Variants in AGBL4 observed in about 807,000 individuals in gnomAD.
AGBL4 encodes cytosolic carboxypeptidase 6.
Under a neutral mutation model 66.4 loss-of-function variants are expected in AGBL4, and 58 were observed. The observed-to-expected ratio is 0.87, with a 90% CI of 0.71 to 1.09. The LOEUF is 1.09. Ranked by LOEUF, AGBL4 falls within the 50% of genes least tolerant of loss-of-function variation. The probability of loss-of-function intolerance (pLI) is 0.00; values close to 1 mark genes in which losing one functional copy is unlikely to be tolerated. For synonymous variants in AGBL4, 234 were observed against 222.9 expected (o/e 1.05, Z -0.44); for missense variants, 579 against 631.0 (o/e 0.92, Z 0.88).
chr1:49,003,527 C>T (rs535602391), intron 5 of AGBL4, among the ~76,000 whole-genome samples: 99 of 152,284 alleles, frequency 6.5e-4, no homozygotes, highest in African/African-American at 2.0e-3. Flanking sequence ...ATGAATTTAG[C>T]ATGGTACTAG....
At chr1:49,567,593 G>T (rs1457439426) in intron 3 of AGBL4, among the ~76,000 whole-genome samples, 2 of 152,016 alleles carry the variant, frequency 1.3e-5, no homozygotes, top group African/African-American at 4.8e-5. Flanking sequence ...TTATTTTTCA[G>T]TTCCTGGGTA....
At chr1:49,713,423 T>C (rs1460957174) in intron 2 of AGBL4, among the ~76,000 whole-genome samples, 5 of 152,080 alleles carry the variant, frequency 3.3e-5, no homozygotes, top group Admixed American at 6.6e-5. Context: ...ATACAATTCA[T>C]TGACAGATTC....
At chr1:49,714,531 A>T (rs1325103329) in intron 2 of AGBL4, among the ~76,000 whole-genome samples, 2 of 150,608 alleles carry the variant, frequency 1.3e-5, no homozygotes, top group Non-Finnish European at 2.9e-5. Flanking sequence ...GCTACAAAAG[A>T]CATGACTTTA....
chr1:49,453,756 G>C (rs17535555), intron 3 of AGBL4, among the ~76,000 whole-genome samples: 5,121 of 151,784 alleles, frequency 0.034, 141 homozygotes, highest in Non-Finnish European at 0.05. Flanking sequence ...CAGAGAGGAG[G>C]TAATGAATAT....
chr1:49,235,187 T>C (rs1650623712), intron 4 of AGBL4, among the ~76,000 whole-genome samples: 1 of 152,188 alleles, frequency 6.6e-6, no homozygotes, highest in Admixed American at 6.5e-5. Flanking sequence ...CTCAGGTCCT[T>C]CCTTCCAGGA....
intron 6 of AGBL4, among the ~76,000 whole-genome samples, chr1:48,835,526 G>T (rs925425888): frequency 3.3e-5 from 5 of 152,090 alleles, no homozygotes; most frequent in East Asian, 1.9e-4. Flanking sequence ...TTCAAGGAAG[G>T]TTTCCCTGAG....
rs1649303524 is a variant in AGBL4, at chr1:49,897,137, A to G, written c.35-45619T>C. ...GAAATCAAATAACAGACAGACATAA[A>G]GGTCATCTACATTGGAAAGGAATAA... is the stretch of plus-strand genomic sequence containing the variant. On this transcript the variant is annotated intron_variant, in intron 1 of 13. Transcript: ENST00000371839. Among the ~76,000 whole-genome samples, 3 of 152,236 alleles carry G rather than the reference A, an allele frequency of 2.0e-5. 1 individual carries two copies. The South Asian group carries it at 6.2e-4, about 32-fold the overall frequency.
chr1:48,864,810 G>T (rs1647835773), intron 6 of AGBL4, among the ~76,000 whole-genome samples: 1 of 152,050 alleles, frequency 6.6e-6, no homozygotes, highest in African/African-American at 2.4e-5. Flanking sequence ...GTATAGAATA[G>T]TCTCAGTTAC....
intron 2 of AGBL4, among the ~76,000 whole-genome samples, chr1:49,790,331 T>G (rs1418485823): frequency 6.8e-6 from 1 of 146,570 alleles, no homozygotes; most frequent in Non-Finnish European, 1.5e-5. Context: ...ATGACTGCAT[T>G]CCAGCCTGGG....
intron 3 of AGBL4, among the ~76,000 whole-genome samples, chr1:49,386,583 T>C (rs1644741875): frequency 6.6e-6 from 1 of 151,978 alleles, no homozygotes; most frequent in African/African-American, 2.4e-5. Flanking sequence ...AAAACTGATT[T>C]TCTTTTTATT....
At chr1:49,864,854 T>C (rs937780810) in intron 1 of AGBL4, among the ~76,000 whole-genome samples, 5 of 152,182 alleles carry the variant, frequency 3.3e-5, no homozygotes, top group African/African-American at 1.2e-4. Context: ...CTAGGATGAC[T>C]GAGCTGCTGG....
At chr1:49,663,254 CAG>C (rs1293714193) in intron 3 of AGBL4, among the ~76,000 whole-genome samples, 2 of 152,132 alleles carry the variant, frequency 1.3e-5, no homozygotes, top group Admixed American at 6.6e-5. Context: ...TCCCATAGCA[CAG>C]AGTTTTTGCT....
At chr1:49,208,087 A>C (rs867310676) in intron 4 of AGBL4, among the ~76,000 whole-genome samples, 19 of 152,062 alleles carry the variant, frequency 1.2e-4, no homozygotes, top group African/African-American at 4.3e-4. Flanking sequence ...TATACATTTC[A>C]TTTAATTCTT....
Position 48,590,862 on chromosome 1 carries a change from G to A in AGBL4, c.1075C>T (p.Leu359Phe). 3.7e-6 allele frequency: 6 copies of A among 1,604,742 alleles called. No homozygotes were observed. The highest frequency in any genetic ancestry group is 5.1e-6 in the Non-Finnish European group (6 of 1,175,608). ...GAGAAGTCCTCAGCATTCTGGCAGA[G>A]GAGCTTGGGAAAAATGGCCTGCCTC... ...FQRQAIFPKL[L>F]CQNAEDFSYS... Residue 359 changes from leucine (L) to phenylalanine (F), a missense_variant, in exon 10 of 14, where the codon CTC becomes TTC. By Grantham distance (22) the Leu-to-Phe change is conservative. Coordinates refer to ENST00000371839, the MANE Select transcript of AGBL4 (RefSeq NM_032785.4).
At chr1:49,668,420 A>T (rs1447407290) in intron 3 of AGBL4, among the ~76,000 whole-genome samples, 1 of 152,208 alleles carries the variant, frequency 6.6e-6, no homozygotes, top group Non-Finnish European at 1.5e-5. Context: ...AATAATTGTC[A>T]AGTCAATCTC....
intron 6 of AGBL4, among the ~76,000 whole-genome samples, chr1:48,767,256 G>T (rs531028802): frequency 6.6e-6 from 1 of 152,122 alleles, no homozygotes; most frequent in Non-Finnish European, 1.5e-5. Flanking sequence ...CAGTGAAGTG[G>T]GGATAATAAA....
intron 6 of AGBL4, chr1:48,818,158 G>C: frequency 1.4e-6 from 1 of 715,978 alleles, no homozygotes. Flanking sequence ...ATATCTGATA[G>C]TCAAATTTGG....
intron 6 of AGBL4, among the ~76,000 whole-genome samples, chr1:48,706,376 C>T (rs1167355226): frequency 6.6e-6 from 1 of 152,042 alleles, no homozygotes; most frequent in African/African-American, 2.4e-5. Context: ...AAAAGATATA[C>T]AATTTTCATT....
chr1:49,388,104 T>C (rs1248744963), intron 3 of AGBL4, among the ~76,000 whole-genome samples: 2 of 152,138 alleles, frequency 1.3e-5, no homozygotes, highest in African/African-American at 2.4e-5. Context: ...GTCAGTTAAC[T>C]AGATTTATTT....
Sources: allele counts gnomAD v4.1 joint callset (sites outside exome capture counted in the v4.1 genomes callset), GRCh38; gene constraint gnomAD v4.1.1; transcripts MANE v1.5; gene names NCBI Gene and HGNC (gene_info 2026-07-23, HGNC 2026-07-21).